MEIS3: variants seen among roughly 807,000 people sequenced by gnomAD.
MEIS3 encodes Meis homeobox 3.
Under a neutral mutation model 51.4 loss-of-function variants are expected in MEIS3, and 38 were observed. That is an observed-to-expected ratio of 0.74 (90% CI 0.57 to 0.97). The LOEUF (loss-of-function observed/expected upper bound fraction) is 0.97. Among genes scored for constraint, MEIS3 ranks in the 50% least tolerant of loss-of-function variants. The pLI, the probability that MEIS3 is intolerant of heterozygous loss-of-function variation, is 0.00. For missense variants in MEIS3, 456 were observed against 502.6 expected (o/e 0.91, Z 0.89); for synonymous variants, 198 against 201.8 (o/e 0.98, Z 0.16).
At position 47,407,356 on chromosome 19, in the gene MEIS3, T is replaced by G; in HGVS notation, c.931A>C (p.Asn311His). Residue 311 changes from asparagine (N) to histidine (H), a missense_variant, in exon 9 of 13, where the codon AAC becomes CAC. Asn to His is a moderately conservative substitution (Grantham distance 68, BLOSUM62 1). Coordinates refer to ENST00000558555, the MANE Select transcript of MEIS3 (RefSeq NM_001301059.2). The part of the protein sequence containing the change: ...DTGLTILQVN[N>H]WFINARRRIV... ...GGGCCCTCCTGGGCCACTCACCAGT[T>G]GTTGACTTGCAGGATGGTGAGCCCC... 1 of 1,613,038 alleles carries G rather than the reference T, an allele frequency of 6.2e-7. No individual in the cohort carries two copies. Among genetic ancestry groups the G allele is most frequent in the Non-Finnish European group, 8.5e-7 (1 of 1,179,686 alleles).
At position 47,414,704 on chromosome 19, in the gene MEIS3, G is replaced by T; in HGVS notation, c.597+13C>A. On this transcript the variant is annotated intron_variant, in intron 6 of 12. Transcript: ENST00000558555. ...GGCTGCAGGACGATGCCTGGTGCCC[G>T]TCCCGGGCCCACCTGGTCTGGGAGG... The T allele has an allele frequency of 1.3e-6, 2 of 1,580,562 alleles. No individual in the cohort carries two copies.
chr19:47,403,178 T>G lies in MEIS3; in HGVS notation c.*393A>C. The stretch of plus-strand genomic sequence containing the variant: ...AAAAGAAGAAATTAGAGAAGGGAGG[T>G]AGGGGGGACAGGAGAGTGAAGGAAT... On this transcript the variant is annotated 3_prime_UTR_variant, in exon 13 of 13. Transcript: ENST00000558555. 1.8e-5 allele frequency: 4 copies of G among 223,386 alleles called. No homozygotes were observed. Among genetic ancestry groups the G allele is most frequent in the South Asian group, 8.9e-5 (2 of 22,464 alleles). 13.8% of individuals were successfully genotyped at this position (223,386 alleles called of 1,614,324 possible).
In MEIS3 at chr19:47,403,336, C is replaced by G. The variant is rs968981570; in HGVS notation, c.*235G>C. The G allele has an allele frequency of 2.9e-5, 13 of 442,472 alleles. No individual in the cohort carries two copies. The highest frequency in any genetic ancestry group is 5.4e-5 in the Non-Finnish European group (12 of 221,612). The allele number at this position is 442,472 out of a possible 1,614,324, so 27.4% of individuals were successfully genotyped here. A position where few individuals can be genotyped will look rare whatever the true frequency, so the allele number is the denominator to read the frequency against. Reference sequence around the variant, plus strand: ...AGGCCCAGGAGCCCAGCTCGGGTCCCAGGCAGAGGTGAAGGCAGAAGTGGG... The same window carrying G: ...AGGCCCAGGAGCCCAGCTCGGGTCCGAGGCAGAGGTGAAGGCAGAAGTGGG... On this transcript the variant is annotated 3_prime_UTR_variant, in exon 13 of 13. Coordinates refer to ENST00000558555, the MANE Select transcript of MEIS3 (RefSeq NM_001301059.2).
chr19:47,407,661 G>A, intron 8 of MEIS3: 4 of 1,080,236 alleles, frequency 3.7e-6, no homozygotes, highest in Non-Finnish European at 5.1e-6. Context: ...GAGGTTAACT[G>A]GCCAGCTCTG....
chr19:47,422,088 G>A (rs1328700723), upstream of MEIS3, among the ~76,000 whole-genome samples: 3 of 151,086 alleles, frequency 2.0e-5, no homozygotes, highest in East Asian at 2.0e-4. Flanking sequence ...CGCTGGCCAC[G>A]CCATCCATCA....
intron 12 of MEIS3, 67 bp downstream of exon 12, chr19:47,406,391 ACT>A (rs766576212): frequency 3.8e-5 from 52 of 1,370,232 alleles, no homozygotes; most frequent in Non-Finnish European, 5.1e-5. Context: ...GGAAGTGCCC[ACT>A]CTTGGAGTCC....
chr19:47,406,146 T>G, intron 12 of MEIS3: 1 of 260,940 alleles, frequency 3.8e-6, no homozygotes, highest in Non-Finnish European at 7.3e-6. Context: ...AGATGGGTAA[T>G]GAGTGGGTAG....
In MEIS3 at chr19:47,403,467, GC is replaced by G. The variant is rs1477924510; in HGVS notation, c.*103del. 2.2e-6 allele frequency: 1 copy of G among 455,932 alleles called. No individual in the cohort carries two copies. Among genetic ancestry groups the G allele is most frequent in the Non-Finnish European group, 4.4e-6 (1 of 226,924 alleles). 28.2% of individuals were successfully genotyped at this position (455,932 alleles called of 1,614,324 possible). A position where few individuals can be genotyped will look rare whatever the true frequency, so the allele number is the denominator to read the frequency against. On this transcript the variant is annotated 3_prime_UTR_variant, in exon 13 of 13. Transcript: ENST00000558555. The stretch of plus-strand genomic sequence containing the variant: ...AGGGAGGTAGGCATTGAGCAGAGGG[GC>G]CTTTGGAGGTGGGGTCCTGAAGCTG...
At chr19:47,406,384 A>G (rs113311713) in intron 12 of MEIS3, 76 bp downstream of exon 12, 2 of 1,262,042 alleles carry the variant, frequency 1.6e-6, no homozygotes, top group East Asian at 2.3e-5. Flanking sequence ...CTACTCTGGA[A>G]GTGCCCACTC....
At chr19:47,417,786 C>A in intron 1 of MEIS3, 1 of 633,140 alleles carries the variant, frequency 1.6e-6, no homozygotes. Context: ...TCACAGTTGG[C>A]AGATAAGCGC....
intron 8 of MEIS3, among the ~76,000 whole-genome samples, chr19:47,408,681 G>A (rs1445611726): frequency 6.6e-6 from 1 of 151,984 alleles, no homozygotes; most frequent in Non-Finnish European, 1.5e-5. Context: ...AAGCAGTATG[G>A]TGCGGTGGTT....
chr19:47,421,355 C>A (rs1380589343), upstream of MEIS3, among the ~76,000 whole-genome samples: 3 of 152,190 alleles, frequency 2.0e-5, no homozygotes, highest in African/African-American at 7.2e-5. Context: ...GTGCCCCAAC[C>A]TGAGCACCGA....
rs868429781 is a variant in MEIS3, at chr19:47,415,054, C to T, written c.444G>A (p.Glu148=). Residue 148 remains glutamate, a synonymous_variant, in exon 5 of 13, where the codon GAG becomes GAA. Transcript: ENST00000558555. ...TGGGGAGGTGAGACGCGCTCACCTT[C>T]TCCAGCTCCAGCAGGTGGAACCGCA... ...QVLRFHLLEL[E]KVHDLCDNFC... 6.4e-7 allele frequency: 1 copy of T among 1,561,304 alleles called. No homozygotes were observed.
At position 47,407,124 on chromosome 19, in the gene MEIS3, G is replaced by C; in HGVS notation, c.949C>G (p.Arg317Gly). ...ATCATAGGTTGCACGATGCGTCTCCGGGCGTTAATGAACCTGGGAGGCGGT... is the reference window on the plus strand; with the variant it reads ...ATCATAGGTTGCACGATGCGTCTCCCGGCGTTAATGAACCTGGGAGGCGGT... ...LQVNNWFINA[R>G]RRIVQPMIDQ... Residue 317 changes from arginine (R) to glycine (G), a missense_variant, in exon 10 of 13, where the codon CGG (arginine) becomes GGG (glycine). By Grantham distance (125) the Arg-to-Gly change is moderately radical (BLOSUM62 -2). Transcript: ENST00000558555. The C allele has an allele frequency of 6.2e-7, 1 of 1,610,656 alleles. No homozygotes were observed. Among genetic ancestry groups the C allele is most frequent in the Non-Finnish European group, 8.5e-7 (1 of 1,178,834 alleles).
chr19:47,411,744 G>T (rs895012675), intron 6 of MEIS3, among the ~76,000 whole-genome samples: 6 of 151,186 alleles, frequency 4.0e-5, no homozygotes, highest in African/African-American at 1.5e-4. Context: ...GTTTCACCAT[G>T]TTGGCCAGGT....
upstream of MEIS3, among the ~76,000 whole-genome samples, chr19:47,420,789 C>T (rs963238799): frequency 6.8e-6 from 1 of 146,618 alleles, no homozygotes; most frequent in Non-Finnish European, 1.5e-5. Context: ...AGGATGCCGG[C>T]GGGGGACGGA....
rs753667318 is a variant in MEIS3 at position 47,409,523 on chromosome 19, C to T, written c.622G>A (p.Glu208Lys). Reference sequence around the variant, plus strand: ...CCCAAATGTACAGACCCACTATCCTCATGGTCTCGAATCCACATATTATTC... The same window carrying T: ...CCCAAATGTACAGACCCACTATCCTTATGGTCTCGAATCCACATATTATTC... ...DQNNMWIRDHEDSGSVHLGTP... is the reference protein window; with the variant it reads ...DQNNMWIRDHKDSGSVHLGTP... Residue 208 changes from glutamate to lysine, a missense_variant, in exon 7 of 13, where the codon GAG becomes AAG. Coordinates refer to ENST00000558555, the MANE Select transcript of MEIS3 (RefSeq NM_001301059.2). The T allele has an allele frequency of 6.2e-7, 1 of 1,613,974 alleles. No homozygotes were observed. The highest frequency in any genetic ancestry group is 8.5e-7 in the Non-Finnish European group (1 of 1,179,826).
intron 6 of MEIS3, among the ~76,000 whole-genome samples, chr19:47,411,936 T>G (rs1395255634): frequency 1.3e-5 from 2 of 151,912 alleles, no homozygotes; most frequent in African/African-American, 4.8e-5. Context: ...TTCAAACTCC[T>G]GGGCTTAAGC....
upstream of MEIS3, among the ~76,000 whole-genome samples, chr19:47,420,410 G>T (rs907673416): frequency 6.6e-6 from 1 of 151,438 alleles, no homozygotes. Context: ...CTCATCTGAC[G>T]GCCAGTGGTG....
Sources: allele counts gnomAD v4.1 joint callset (sites outside exome capture counted in the v4.1 genomes callset), GRCh38; gene constraint gnomAD v4.1.1; transcripts MANE v1.5; gene names NCBI Gene and HGNC (gene_info 2026-07-23, HGNC 2026-07-21).